REDIC1: variants seen among roughly 807,000 people sequenced by gnomAD.
REDIC1 encodes HEI10 Interacting Protein 1.
the REDIC1 span, among the ~76,000 whole-genome samples, chr12:39,711,759 GTA>G: frequency 1.6e-3 from 212 of 132,292 alleles, 3 homozygotes; most frequent in African/African-American, 2.9e-3. Context: ...ACATGCATGT[GTA>G]TGTGTGTGTG....
At chr12:39,866,044 T>C in the REDIC1 span, among the ~76,000 whole-genome samples, 13 of 152,288 alleles carry the variant, frequency 8.5e-5, no homozygotes, top group East Asian at 2.1e-3. Context: ...AAAGAGAATA[T>C]GGCTGTGTTA....
the REDIC1 span, chr12:39,650,372 A>G: frequency 6.2e-7 from 1 of 1,601,140 alleles, no homozygotes; most frequent in South Asian, 1.1e-5. The surrounding 1 kb of genome is among the most constrained non-coding windows in gnomAD (Gnocchi z 4.3). Flanking sequence ...AAGATGCTGA[A>G]GGAAATAAAG....
At chr12:39,713,809 GTA>G in the REDIC1 span, among the ~76,000 whole-genome samples, 1 of 147,332 alleles carries the variant, frequency 6.8e-6, no homozygotes, top group Non-Finnish European at 1.5e-5. Context: ...ATATGCATGT[GTA>G]TATATACGTG....
At chr12:39,786,015 G>T in the REDIC1 span, among the ~76,000 whole-genome samples, 67 of 152,270 alleles carry the variant, frequency 4.4e-4, no homozygotes, top group Non-Finnish European at 9.1e-4. Flanking sequence ...TGAGACTTTG[G>T]ACTGTGGACT....
chr12:39,855,367 T>C, the REDIC1 span, among the ~76,000 whole-genome samples: 3 of 152,252 alleles, frequency 2.0e-5, no homozygotes, highest in African/African-American at 7.2e-5. Context: ...AAATTTATTT[T>C]ATGCAGTTAA....
the REDIC1 span, among the ~76,000 whole-genome samples, chr12:39,837,169 C>A: frequency 1.5e-5 from 2 of 134,806 alleles, no homozygotes; most frequent in Non-Finnish European, 3.1e-5. Context: ...AGAACAGAGC[C>A]CTCAGAAATA....
chr12:39,729,487 C>G, the REDIC1 span, among the ~76,000 whole-genome samples: 1 of 152,118 alleles, frequency 6.6e-6, no homozygotes, highest in Non-Finnish European at 1.5e-5. Context: ...GTTTCTTAAC[C>G]TTGAATTCTA....
the REDIC1 span, among the ~76,000 whole-genome samples, chr12:39,763,599 A>T: frequency 2.6e-5 from 4 of 152,068 alleles, no homozygotes; most frequent in East Asian, 7.8e-4. Flanking sequence ...AGAAATGATA[A>T]GTGGCCAGAG....
the REDIC1 span, among the ~76,000 whole-genome samples, chr12:39,647,554 G>A: frequency 2.0e-5 from 3 of 151,954 alleles, no homozygotes; most frequent in South Asian, 2.1e-4. Context: ...GGAGCTGGAG[G>A]ATGGAGAGAA....
the REDIC1 span, among the ~76,000 whole-genome samples, chr12:39,658,568 T>G: frequency 3.3e-3 from 507 of 152,346 alleles, 5 homozygotes; most frequent in Middle Eastern, 0.027. Context: ...ACTGGTATAG[T>G]GGCTAAGAAT....
chr12:39,759,974 G>A, the REDIC1 span: 3 of 1,435,384 alleles, frequency 2.1e-6, no homozygotes, highest in Non-Finnish European at 2.9e-6. Context: ...ACCAATTGCT[G>A]TTCTTCTCCC....
At chr12:39,868,599 C>T in the REDIC1 span, among the ~76,000 whole-genome samples, 5 of 152,038 alleles carry the variant, frequency 3.3e-5, no homozygotes, top group South Asian at 2.1e-4. Flanking sequence ...TGATGAAGAC[C>T]GTCTGTGAGT....
chr12:39,692,934 A>G, the REDIC1 span, among the ~76,000 whole-genome samples: 7 of 152,206 alleles, frequency 4.6e-5, no homozygotes, highest in African/African-American at 1.4e-4. Context: ...TGGTTGTTAC[A>G]TGTTTTCACC....
the REDIC1 span, among the ~76,000 whole-genome samples, chr12:39,778,580 A>G: frequency 6.6e-6 from 1 of 152,206 alleles, no homozygotes; most frequent in Non-Finnish European, 1.5e-5. Flanking sequence ...TTTTGGTTTA[A>G]AAATGGTTTT....
chr12:39,860,015 C>T, the REDIC1 span, among the ~76,000 whole-genome samples: 1 of 152,024 alleles, frequency 6.6e-6, no homozygotes, highest in South Asian at 2.1e-4. Flanking sequence ...TGTCCTTGGT[C>T]CAAAGCAAGA....
chr12:39,722,371 T>A, the REDIC1 span, among the ~76,000 whole-genome samples: 6 of 152,168 alleles, frequency 3.9e-5, no homozygotes, highest in Non-Finnish European at 7.3e-5. Context: ...AAGGGGAATA[T>A]AATTATCTGA....
the REDIC1 span, among the ~76,000 whole-genome samples, chr12:39,704,013 T>C: frequency 6.6e-6 from 1 of 152,170 alleles, no homozygotes; most frequent in Non-Finnish European, 1.5e-5. Context: ...GACATAGGCA[T>C]GGGCAAGGTC....
At chr12:39,696,839 TAGTG>T in the REDIC1 span, among the ~76,000 whole-genome samples, 4 of 152,016 alleles carry the variant, frequency 2.6e-5, no homozygotes, top group Non-Finnish European at 4.4e-5. Flanking sequence ...CACAAAGAAT[TAGTG>T]AGCTTGAAAG....
chr12:39,770,578 G>A, the REDIC1 span, among the ~76,000 whole-genome samples: 1 of 152,150 alleles, frequency 6.6e-6, no homozygotes, highest in Non-Finnish European at 1.5e-5. Context: ...TGAGATCGGG[G>A]AAAGAACTGT....
Sources: allele counts gnomAD v4.1 joint callset (sites outside exome capture counted in the v4.1 genomes callset), GRCh38; gene constraint gnomAD v4.1.1; non-coding constraint Gnocchi (gnomAD v3.1); transcripts MANE v1.5; gene names NCBI Gene and HGNC (gene_info 2026-07-23, HGNC 2026-07-21).